Variants in AFG1L observed in about 807,000 individuals in gnomAD.
The protein encoded by AFG1L is AFG1-like ATPase.
AFG1L carries 53 observed loss-of-function variants against 62.2 expected under a neutral mutation model. The ratio of observed to expected loss-of-function variants is 0.85; its 90% CI spans 0.68 to 1.07. The LOEUF (loss-of-function observed/expected upper bound fraction) is 1.07, where lower values mean the gene tolerates loss of function less well. Among genes scored for constraint, AFG1L ranks in the 50% least tolerant of loss-of-function variants. The probability of loss-of-function intolerance (pLI) is 0.00; values close to 1 mark genes in which losing one functional copy is unlikely to be tolerated. For missense variants in AFG1L, 555 were observed against 590.5 expected (o/e 0.94, Z 0.62); for synonymous variants, 228 against 210.3 (o/e 1.08, Z -0.73).
intron 7 of AFG1L, among the ~76,000 whole-genome samples, chr6:108,421,491 A>C (rs1372719711): frequency 6.6e-6 from 1 of 152,116 alleles, no homozygotes; most frequent in Non-Finnish European, 1.5e-5. Flanking sequence ...CCTTAGCTTG[A>C]ATAAATTTTG....
intron 8 of AFG1L, among the ~76,000 whole-genome samples, chr6:108,453,992 C>A (rs1171945301): frequency 6.6e-6 from 1 of 152,166 alleles, no homozygotes; most frequent in Non-Finnish European, 1.5e-5. Flanking sequence ...CCTTTTAGGC[C>A]GTCATTTGTT....
At chr6:108,495,669 G>T (rs1171026347) in intron 10 of AFG1L, among the ~76,000 whole-genome samples, 1 of 152,192 alleles carries the variant, frequency 6.6e-6, no homozygotes, top group Non-Finnish European at 1.5e-5. Context: ...AAGTTTGTTA[G>T]AGAAACTGGG....
intron 3 of AFG1L, among the ~76,000 whole-genome samples, chr6:108,350,277 C>T (rs1352727918): frequency 6.7e-6 from 1 of 150,088 alleles, no homozygotes; most frequent in Non-Finnish European, 1.5e-5. Flanking sequence ...CGAGACCAGC[C>T]TGGGCAACAT....
rs751790938 is a variant in AFG1L, at chr6:108,476,972, T to G, written c.961+37T>G. 3.7e-5 allele frequency: 57 copies of G among 1,542,392 alleles called. 1 individual carries two copies. In the South Asian group the frequency reaches 6.4e-4, roughly 17 times the overall value. On this transcript the variant is annotated intron_variant, in intron 9 of 12. Coordinates refer to ENST00000368977, the MANE Select transcript of AFG1L (RefSeq NM_145315.5). Reference sequence around the variant, plus strand: ...AATTTCTCTTGAAAGAGAATACATTTAGAACACAATGCCCAATCTCCACTG... The same window carrying G: ...AATTTCTCTTGAAAGAGAATACATTGAGAACACAATGCCCAATCTCCACTG...
At chr6:108,340,367 GTT>G (rs35206585) in intron 2 of AFG1L, among the ~76,000 whole-genome samples, 70 of 116,746 alleles carry the variant, frequency 6.0e-4, no homozygotes, top group Non-Finnish European at 7.7e-4. Context: ...TAATTTCAGT[GTT>G]TTTTTTTTTT....
At chr6:108,435,416 G>C (rs1771262807) in intron 7 of AFG1L, among the ~76,000 whole-genome samples, 2 of 152,212 alleles carry the variant, frequency 1.3e-5, no homozygotes, top group African/African-American at 2.4e-5. Flanking sequence ...GCTGGGCACA[G>C]TGGCTCACGC....
chr6:108,517,981 A>G (rs1017943913), intron 11 of AFG1L, among the ~76,000 whole-genome samples: 3 of 152,192 alleles, frequency 2.0e-5, no homozygotes, highest in African/African-American at 7.2e-5. Context: ...TTAGAATGGC[A>G]GTCATTAAAA....
intron 1 of AFG1L, among the ~76,000 whole-genome samples, chr6:108,304,049 A>G (rs1777111258): frequency 6.6e-6 from 1 of 152,152 alleles, no homozygotes; most frequent in Non-Finnish European, 1.5e-5. Flanking sequence ...TGGCACATTT[A>G]AGATTAACTA....
chr6:108,419,052 A>G (rs1398933490), intron 7 of AFG1L, among the ~76,000 whole-genome samples: 4 of 152,188 alleles, frequency 2.6e-5, no homozygotes, highest in Non-Finnish European at 5.9e-5. Flanking sequence ...ACACTTTCAT[A>G]AACCATTTAG....
At chr6:108,500,167 C>CATGCGT (rs1554204015) in intron 10 of AFG1L, among the ~76,000 whole-genome samples, 5 of 73,026 alleles carry the variant, frequency 6.8e-5, no homozygotes, top group African/African-American at 3.2e-4. Flanking sequence ...TTCCATGGTG[C>CATGCGT]GTGCGTGTGT....
intron 10 of AFG1L, among the ~76,000 whole-genome samples, chr6:108,484,459 C>G (rs912189295): frequency 6.6e-6 from 1 of 152,160 alleles, no homozygotes. Context: ...CATTCCTAGT[C>G]AATCCTTAAA....
At chr6:108,298,008 T>C (rs1028123506) in intron 1 of AFG1L, among the ~76,000 whole-genome samples, 4 of 152,134 alleles carry the variant, frequency 2.6e-5, no homozygotes, top group Non-Finnish European at 5.9e-5. Context: ...AGTTTCTGTT[T>C]CATAATTTAA....
intron 10 of AFG1L, among the ~76,000 whole-genome samples, chr6:108,482,515 T>G (rs1206899630): frequency 6.6e-6 from 1 of 152,140 alleles, no homozygotes; most frequent in Non-Finnish European, 1.5e-5. Flanking sequence ...TATTAATATA[T>G]TATTATTAAC....
At chr6:108,477,620 T>C (rs1305119348) in intron 10 of AFG1L, among the ~76,000 whole-genome samples, 1 of 151,616 alleles carries the variant, frequency 6.6e-6, no homozygotes, top group East Asian at 1.9e-4. Context: ...GAGGTGAGAG[T>C]TAGGAAAAAG....
At chr6:108,317,449 G>C (rs973541685) in intron 1 of AFG1L, among the ~76,000 whole-genome samples, 2 of 152,266 alleles carry the variant, frequency 1.3e-5, no homozygotes, top group African/African-American at 4.8e-5. Context: ...GACCAGTTGA[G>C]TCATGAGTCA....
At chr6:108,481,303 A>G (rs1244158007) in intron 10 of AFG1L, among the ~76,000 whole-genome samples, 1 of 152,182 alleles carries the variant, frequency 6.6e-6, no homozygotes, top group Non-Finnish European at 1.5e-5. Context: ...TCCTTTCCTT[A>G]CCTTGATACA....
At chr6:108,415,635 A>G (rs1236933119) in intron 7 of AFG1L, among the ~76,000 whole-genome samples, 1 of 152,230 alleles carries the variant, frequency 6.6e-6, no homozygotes, top group Non-Finnish European at 1.5e-5. Flanking sequence ...CAACCATCTG[A>G]TCTTTGAGAA....
At chr6:108,405,761 G>A (rs1056457500) in intron 7 of AFG1L, among the ~76,000 whole-genome samples, 2 of 152,108 alleles carry the variant, frequency 1.3e-5, no homozygotes, top group Non-Finnish European at 2.9e-5. Flanking sequence ...ATGAAACTCT[G>A]TACTCACTAA....
At chr6:108,370,610 A>T (rs1282409638) in intron 6 of AFG1L, among the ~76,000 whole-genome samples, 1 of 152,118 alleles carries the variant, frequency 6.6e-6, no homozygotes, top group Non-Finnish European at 1.5e-5. Context: ...ATGGCAATGG[A>T]TATGGAGAGA....
Sources: allele counts gnomAD v4.1 joint callset (sites outside exome capture counted in the v4.1 genomes callset), GRCh38; gene constraint gnomAD v4.1.1; transcripts MANE v1.5; gene names NCBI Gene and HGNC (gene_info 2026-07-23, HGNC 2026-07-21).